Variants in MST1R observed in about 807,000 individuals in gnomAD.
MST1R encodes macrophage stimulating 1 receptor, also known as macrophage-stimulating protein receptor.
A neutral mutation model predicts 117.8 loss-of-function variants in MST1R; 99 were observed. The ratio of observed to expected loss-of-function variants is 0.84; its 90% confidence interval spans 0.71 to 0.99. The LOEUF (loss-of-function observed/expected upper bound fraction) is 0.99, where lower values mean the gene tolerates loss of function less well. MST1R is among the 50% of genes least tolerant of loss of function. MST1R has a pLI of 0.00. For missense variants in MST1R, 1,683 were observed against 1,840.2 expected, an observed-to-expected ratio of 0.91 and a Z score of 1.56; for synonymous variants, 734 against 765.3, an observed-to-expected ratio of 0.96 and a Z score of 0.68.
In MST1R at chr3:49,890,607, C is replaced by A. The variant is rs2108378717; in HGVS notation, c.3688G>T (p.Ala1230Ser). ...FTVKVADFGL[A>S]RDILDREYYS... Reference sequence around the variant, plus strand: ...TACTCCCTGTCCAGGATGTCGCGGGCCAAACCAAAGTCAGCCACCTTGACT... The same window carrying A: ...TACTCCCTGTCCAGGATGTCGCGGGACAAACCAAAGTCAGCCACCTTGACT... Residue 1230 changes from alanine (A) to serine (S), a missense_variant, in exon 18 of 20, where the codon GCC becomes TCC. Physicochemically the swap from Ala to Ser is moderately conservative, Grantham distance 99. Coordinates refer to ENST00000296474, the MANE Select transcript of MST1R (RefSeq NM_002447.4). 6.2e-7 allele frequency: 1 copy of A among 1,613,912 alleles called. No homozygotes were observed. The highest frequency in any genetic ancestry group is 8.5e-7 in the Non-Finnish European group (1 of 1,179,830).
rs1001193344 is a variant in MST1R at position 49,894,282 on chromosome 3, G to C, written c.3271+885C>G. ...AAATAAAATAAATATAATAAAACAG[G>C]CTGGGTTCGGTGGCTCATGCCTGTA... On this transcript the variant is annotated intron_variant, in intron 14 of 19. Coordinates refer to ENST00000296474, the MANE Select transcript of MST1R (RefSeq NM_002447.4). Among the ~76,000 whole-genome samples the C allele has an allele frequency of 3.3e-5, 5 of 151,742 alleles. No individual in the cohort carries two copies. The South Asian group carries it at 1.0e-3, about 32-fold the overall frequency.
intron 1 of MST1R, among the ~76,000 whole-genome samples, chr3:49,901,702 T>C (rs1399647661): frequency 7.7e-6 from 1 of 129,396 alleles, no homozygotes; most frequent in Non-Finnish European, 1.6e-5. Flanking sequence ...GCAGGCTCCC[T>C]AACAAGCTCC....
rs746994577 is a variant in MST1R at position 49,891,816 on chromosome 3, G to A, written c.3294C>T (p.His1098=). The A allele has an allele frequency of 1.9e-5, 31 of 1,614,018 alleles. No homozygotes were observed. The highest frequency in any genetic ancestry group is 4.0e-5 in the African/African-American group (3 of 74,904). The change falls in exon 15 of 20, where the codon CAC becomes CAT. Residue 1098 remains histidine, a synonymous_variant. Coordinates refer to ENST00000296474, the MANE Select transcript of MST1R (RefSeq NM_002447.4). ...TCTGGGCCTGGTCTATGTATTCTCCGTGGTAGACAACTCCAAAGTGGCCTG... is the reference window on the plus strand; with the variant it reads ...TCTGGGCCTGGTCTATGTATTCTCCATGGTAGACAACTCCAAAGTGGCCTG... ...IGKGHFGVVY[H]GEYIDQAQNR...
chr3:49,902,466 C>T lies in MST1R; in HGVS notation c.1144G>A (p.Val382Met), dbSNP rs1052061067. 2.5e-6 allele frequency: 4 copies of T among 1,614,094 alleles called. No individual in the cohort carries two copies. Among genetic ancestry groups the T allele is most frequent in the Non-Finnish European group, 2.5e-6 (3 of 1,180,056 alleles). Residue 382 changes from valine (V) to methionine (M), a missense_variant, in exon 1 of 20, where the codon GTG becomes ATG. Transcript: ENST00000296474. ...DLLDTLIDEG[V>M]ERCCESPVHP... The stretch of plus-strand genomic sequence containing the variant: ...ACTGGGGATTCACAACAGCGCTCCA[C>T]ACCCTCATCAATTAGTGTGTCCAGC...
chr3:49,898,948 G>C lies in MST1R; in HGVS notation c.1467C>G (p.Phe489Leu). ...SLNYLLYVSN[F>L]SLGDSGQPVQ... ...CGGGCTGCCCACTGTCACCCAGTGA[G>C]AAGTTGGACACATACAGCAAGTAGT... Residue 489 changes from phenylalanine to leucine, a missense_variant, in exon 3 of 20, where the codon TTC becomes TTG. Physicochemically the swap from Phe to Leu is conservative, Grantham distance 22 (BLOSUM62 0). Coordinates refer to ENST00000296474, the MANE Select transcript of MST1R (RefSeq NM_002447.4). The C allele has an allele frequency of 6.2e-7, 1 of 1,614,220 alleles. No homozygotes were observed. Among genetic ancestry groups the C allele is most frequent in the Non-Finnish European group, 8.5e-7 (1 of 1,180,050 alleles).
rs1359744478 is a variant in MST1R, at chr3:49,898,929, GC to G, written c.1485del (p.Gln496SerfsTer36). Reference protein sequence around the residue: ...YVSNFSLGDSGQPVQRDVSRL... With the variant: ...YVSNFSLGDSXQPVQRDVSRL... ...CGACTGACATCCCGCTGCACGGGCT[GC>G]CCACTGTCACCCAGTGAGAAGTTGG... On this transcript the variant is annotated frameshift_variant, in exon 3 of 20. Coordinates refer to ENST00000296474, the MANE Select transcript of MST1R (RefSeq NM_002447.4). LOFTEE classifies it high-confidence loss of function. 2 of 1,614,198 alleles carry G rather than the reference GC, an allele frequency of 1.2e-6. No individual in the cohort carries two copies. Among genetic ancestry groups the G allele is most frequent in the Non-Finnish European group, 8.5e-7 (1 of 1,180,044 alleles).
rs773846778 is a variant in MST1R at position 49,897,248 on chromosome 3, G to T, written c.2183+32C>A. On this transcript the variant is annotated intron_variant, in intron 7 of 19. Coordinates refer to ENST00000296474, the MANE Select transcript of MST1R (RefSeq NM_002447.4). ...CGGGTCCCCACCTGGATAGAACCCT[G>T]CGGCCTCCCATGCCTGCCTGGTGGT... 3 of 1,576,148 alleles carry T rather than the reference G, an allele frequency of 1.9e-6. No individual in the cohort carries two copies. The Admixed American group carries it at 5.5e-5, about 29-fold the overall frequency.
intron 5 of MST1R, 156 bp from the exon 6 acceptor site, chr3:49,897,841 A>T (rs2082534510): frequency 8.3e-7 from 1 of 1,199,592 alleles, no homozygotes; most frequent in Non-Finnish European, 1.2e-6. Flanking sequence ...GCAGAGATTA[A>T]CCTTGGCTGG....
In MST1R at chr3:49,890,135, C is replaced by T. The variant is rs1575422646; in HGVS notation, c.3811-75G>A. The T allele has an allele frequency of 4.6e-6, 7 of 1,509,742 alleles. No individual in the cohort carries two copies. In the East Asian group the frequency reaches 1.6e-4, roughly 34 times the overall value. 93.5% of individuals were successfully genotyped at this position (1,509,742 alleles called of 1,614,324 possible). The stretch of plus-strand genomic sequence containing the variant: ...CAGGTGGGTCCCCCAGGGCTTCTAC[C>T]TCCCAGAGTCCTTCAGCTGGAAATG... On this transcript the variant is annotated intron_variant, in intron 18 of 19. Transcript: ENST00000296474.
At chr3:49,894,522 T>G (rs1198453461) in intron 14 of MST1R, among the ~76,000 whole-genome samples, 2 of 149,856 alleles carry the variant, frequency 1.3e-5, no homozygotes, top group African/African-American at 2.5e-5. Context: ...GAGCCATGAT[T>G]GTGCCATTGC....
In MST1R at chr3:49,896,093, G is replaced by A. The variant is rs146729532; in HGVS notation, c.2664C>T (p.Gly888=). The part of the protein sequence containing the change: ...HAIKFEYIGL[G]AVADCVGINV... ...TGATACCCACACAGTCAGCCACAGC[G>A]CCCAGCCCAATATACTGCAGAGAGG... is the stretch of plus-strand genomic sequence containing the variant. The change falls in exon 11 of 20, where the codon GGC becomes GGT. Residue 888 remains glycine, a synonymous_variant. Transcript: ENST00000296474. The A allele has an allele frequency of 8.1e-6, 13 of 1,612,494 alleles. No homozygotes were observed. Among genetic ancestry groups the A allele is most frequent in the Admixed American group, 1.7e-5 (1 of 59,952 alleles).
rs756348422 is a variant in MST1R, at chr3:49,903,381, G to T, written c.229C>A (p.Arg77Ser). The change falls in exon 1 of 20, where the codon CGC becomes AGC. Residue 77 changes from arginine (R) to serine (S), a missense_variant. Coordinates refer to ENST00000296474, the MANE Select transcript of MST1R (RefSeq NM_002447.4). Reference protein sequence around the residue: ...ESAVFVAIRNRLHVLGPDLKS... With the variant: ...ESAVFVAIRNSLHVLGPDLKS... ...AGGTCAGGCCCAAGCACATGCAGGCGATTGCGTATGGCTACAAACACAGCA... is the reference window on the plus strand; with the variant it reads ...AGGTCAGGCCCAAGCACATGCAGGCTATTGCGTATGGCTACAAACACAGCA... The T allele has an allele frequency of 6.2e-7, 1 of 1,613,880 alleles. No homozygotes were observed. The highest frequency in any genetic ancestry group is 8.5e-7 in the Non-Finnish European group (1 of 1,180,036).
chr3:49,898,258 C>A, intron 4 of MST1R, 47 bp from the exon 5 acceptor site: 1 of 1,605,792 alleles, frequency 6.2e-7, no homozygotes, highest in South Asian at 1.1e-5. Context: ...GTTGGGCTCT[C>A]TCAGCCCCAC....
Position 49,898,080 on chromosome 3 carries a change from C to T in MST1R, c.1851G>A (p.Arg617=). 6.2e-7 allele frequency: 1 copy of T among 1,614,108 alleles called. No individual in the cohort carries two copies. The highest frequency in any genetic ancestry group is 8.5e-7 in the Non-Finnish European group (1 of 1,180,032). The part of the protein sequence containing the change: ...HQVTVGQSPC[R]PLPKDSSKLR... ...GTTTTGAGCTGTCCTTGGGCAGTGG[C>T]CGGCAGGGACTTTGGCCCACAGTGA... The change falls in exon 5 of 20, where the codon CGG becomes CGA. Residue 617 remains arginine, a synonymous_variant. Transcript: ENST00000296474.
At chr3:49,896,468 C>T (rs964340115) in intron 9 of MST1R, 64 bp from the exon 10 acceptor site, 4 of 1,608,284 alleles carry the variant, frequency 2.5e-6, no homozygotes, top group African/African-American at 2.7e-5. Context: ...CTCGCCTCAG[C>T]CCAGCACGAG....
rs909064438 is a variant in MST1R, at chr3:49,902,891, T to A, written c.719A>T (p.Lys240Met). The change falls in exon 1 of 20, where the codon AAG (lysine) becomes ATG (methionine). Residue 240 changes from lysine to methionine, a missense_variant. By Grantham distance (95) the Lys-to-Met change is moderately conservative. Transcript: ENST00000296474. ...TTCAATACTGTAGGAGACAAGATGC[T>A]TGGGCAGCACTGACAACGCCACAAA... Reference protein sequence around the residue: ...PGFVALSVLPKHLVSYSIEYV... With the variant: ...PGFVALSVLPMHLVSYSIEYV... 1.9e-6 allele frequency: 3 copies of A among 1,613,436 alleles called. No homozygotes were observed. The highest frequency in any genetic ancestry group is 3.3e-5 in the Admixed American group (2 of 60,018).
chr3:49,889,863 CCT>C, intron 19 of MST1R, 59 bp downstream of exon 19: 1 of 1,602,342 alleles, frequency 6.2e-7, no homozygotes, highest in Non-Finnish European at 8.5e-7. Context: ...AGCTCTGTCT[CCT>C]GTCTCTTCCA....
At chr3:49,897,159 G>C (rs1575440673) in intron 7 of MST1R, 121 bp downstream of exon 7, 1 of 1,406,908 alleles carries the variant, frequency 7.1e-7, no homozygotes, top group Non-Finnish European at 9.6e-7. Flanking sequence ...TTTTCTTCCT[G>C]GACCTGCTCT....
At chr3:49,900,228 G>A (rs949263962) in intron 1 of MST1R, among the ~76,000 whole-genome samples, 1 of 152,186 alleles carries the variant, frequency 6.6e-6, no homozygotes, top group African/African-American at 2.4e-5. Context: ...CAGCCTGGGT[G>A]CCAGAACTAA....
Sources: gnomAD v4.1 joint callset for allele counts (sites outside exome capture counted in the v4.1 genomes callset) on GRCh38, gnomAD v4.1.1 for gene constraint, MANE v1.5 for transcripts, NCBI Gene and HGNC (gene_info 2026-07-23, HGNC 2026-07-21) for gene names.